TEX2: variants seen among roughly 807,000 people sequenced by gnomAD.
The protein encoded by TEX2 is testis expressed 2.
A neutral mutation model predicts 106.9 loss-of-function variants in TEX2; 53 were observed. The observed-to-expected ratio is 0.50, with a 90% CI of 0.40 to 0.62. The LOEUF is 0.62. TEX2 is among the 20% of genes least tolerant of loss of function. TEX2 has a pLI of 0.00. For synonymous variants in TEX2, 523 were observed against 534.8 expected, an observed-to-expected ratio of 0.98 and a Z score of 0.30; for missense variants, 1,207 against 1,379.0, an observed-to-expected ratio of 0.88 and a Z score of 1.98.
In TEX2 at chr17:64,239,875, C is replaced by CAAAAAAAAA. The variant is rs61705973; in HGVS notation, c.-26+23284_-26+23292dup. 9.1e-4 allele frequency among the ~76,000 whole-genome samples: 27 copies of CAAAAAAAAA among 29,650 alleles called. 1 individual carries two copies. The highest frequency in any genetic ancestry group is 3.4e-3 in the African/African-American group (24 of 7,090). 19.5% of individuals were successfully genotyped at this position (29,650 alleles called of 152,430 possible). ...TGGACAACAGAGTGAGACTCTGTCT[C>CAAAAAAAAA]AAAAAAAAAAAAAAAAAAAAAAAAA... On this transcript the variant is annotated intron_variant, in intron 1 of 11. Coordinates refer to ENST00000584379, the MANE Select transcript of TEX2 (RefSeq NM_001288732.2).
At chr17:64,250,410 C>A (rs2034067454) in intron 1 of TEX2, among the ~76,000 whole-genome samples, 1 of 152,192 alleles carries the variant, frequency 6.6e-6, no homozygotes, top group Admixed American at 6.5e-5. Context: ...TCACAAGCTC[C>A]CTTGCCCTCT....
At chr17:64,212,550 G>A in intron 2 of TEX2, 24 bp downstream of exon 2, 1 of 1,591,390 alleles carries the variant, frequency 6.3e-7, no homozygotes, top group Non-Finnish European at 8.6e-7. Context: ...GTGTGTACTA[G>A]CCAGCTCCCG....
At chr17:64,182,911 T>G (rs1184954092) in intron 5 of TEX2, among the ~76,000 whole-genome samples, 2 of 135,628 alleles carry the variant, frequency 1.5e-5, no homozygotes, top group Non-Finnish European at 3.1e-5. Flanking sequence ...TTTGTTGTGT[T>G]TTTTTTTTTT....
Position 64,210,634 on chromosome 17 carries a change from C to CTTTTTTTTTTTTTTTTTTT in TEX2, c.1644+1921_1644+1939dup, listed in dbSNP as rs58313195. On this transcript the variant is annotated intron_variant, in intron 2 of 11. Coordinates refer to ENST00000584379, the MANE Select transcript of TEX2 (RefSeq NM_001288732.2). ...TAAAAGAATTCTCCCCAACCCCCAGCTTTTTTTTTTTTTTTTTTTTTTTTT... is the reference window on the plus strand; with the variant it reads ...TAAAAGAATTCTCCCCAACCCCCAGCTTTTTTTTTTTTTTTTTTTTTTTTTTTTTTTTTTTTTTTTTTTT... Among the ~76,000 whole-genome samples the CTTTTTTTTTTTTTTTTTTT allele has an allele frequency of 2.3e-4, 17 of 74,756 alleles. 1 individual carries two copies. The highest frequency in any genetic ancestry group is 1.0e-3 in the South Asian group (2 of 1,910). The allele number at this position is 74,756 out of a possible 152,430, so 49.0% of individuals were successfully genotyped here. A position where few individuals can be genotyped will look rare whatever the true frequency, so the allele number is the denominator to read the frequency against.
In TEX2 at chr17:64,188,396, G is replaced by C; in HGVS notation, c.2196C>G (p.Ser732Arg). The change falls in exon 5 of 12, where the codon AGC (serine) becomes AGG (arginine). Residue 732 changes from serine (S) to arginine (R), a missense_variant. Ser to Arg is a moderately radical substitution (Grantham distance 110, BLOSUM62 -1). Transcript: ENST00000584379. ...GGKPGLLPAHSRHNSPSGHLT... is the reference protein window; with the variant it reads ...GGKPGLLPAHRRHNSPSGHLT... ...GGTGCCCGGACGGACTGTTGTGTCT[G>C]CTGTGTGCAGGCAAAAGCCCTGGAG... The C allele has an allele frequency of 3.1e-6, 5 of 1,614,190 alleles. 1 individual carries two copies. The Middle Eastern group carries it at 6.6e-4, about 213-fold the overall frequency.
intron 7 of TEX2, among the ~76,000 whole-genome samples, chr17:64,163,571 T>C (rs975671363): frequency 2.0e-5 from 3 of 152,192 alleles, no homozygotes; most frequent in African/African-American, 7.2e-5. Context: ...TAGGAGAAAT[T>C]TGCTTTTGTA....
chr17:64,216,565 T>A (rs1403782446), intron 1 of TEX2, among the ~76,000 whole-genome samples: 4 of 151,632 alleles, frequency 2.6e-5, no homozygotes, highest in African/African-American at 9.7e-5. Context: ...AAGGCAAGAG[T>A]GGAGAGGCCC....
At chr17:64,214,290 A>T in intron 1 of TEX2, 48 bp from the exon 2 acceptor site, 2 of 1,476,522 alleles carry the variant, frequency 1.4e-6, no homozygotes, top group Non-Finnish European at 1.8e-6. Context: ...GTTTCTCCAC[A>T]GGAGACGCTG....
chr17:64,191,033 A>T (rs900902243), intron 4 of TEX2, among the ~76,000 whole-genome samples: 3 of 152,232 alleles, frequency 2.0e-5, no homozygotes, highest in African/African-American at 7.2e-5. Flanking sequence ...GATGGTTTTG[A>T]AGAACAGCAC....
At chr17:64,183,098 G>A in intron 5 of TEX2, among the ~76,000 whole-genome samples, 1 of 151,984 alleles carries the variant, frequency 6.6e-6, no homozygotes, top group East Asian at 1.9e-4. Context: ...TAGAGATGGG[G>A]TTTCGCCATA....
chr17:64,242,864 T>C lies in TEX2; in HGVS notation c.-26+20304A>G, dbSNP rs2033913710. 2.0e-5 allele frequency among the ~76,000 whole-genome samples: 3 copies of C among 151,648 alleles called. No individual in the cohort carries two copies. The South Asian group carries it at 6.2e-4, about 32-fold the overall frequency. ...ACGTTTGGAAGCCAAGGTGGGAGGA[T>C]CACTTGCGGCCAGAGTTTGAGACTA... On this transcript the variant is annotated intron_variant, in intron 1 of 11. Coordinates refer to ENST00000584379, the MANE Select transcript of TEX2 (RefSeq NM_001288732.2).
In TEX2 at chr17:64,148,621, G is replaced by A. The variant is rs2030181808; in HGVS notation, c.*348C>T. 4.7e-6 allele frequency: 1 copy of A among 211,222 alleles called. No homozygotes were observed. The highest frequency in any genetic ancestry group is 1.3e-4 in the East Asian group (1 of 7,644). 13.1% of individuals were successfully genotyped at this position (211,222 alleles called of 1,614,324 possible). A position where few individuals can be genotyped will look rare whatever the true frequency, so the allele number is the denominator to read the frequency against. On this transcript the variant is annotated 3_prime_UTR_variant, in exon 12 of 12. Transcript: ENST00000584379. ...GAAGAAAAGCTTTGGAGGAGTAGAG[G>A]AGGCAAGTTGTTCAGCTTTGCTCTT... is the stretch of plus-strand genomic sequence containing the variant.
chr17:64,169,228 G>A (rs1379652423), intron 7 of TEX2, among the ~76,000 whole-genome samples: 4 of 152,004 alleles, frequency 2.6e-5, no homozygotes, highest in South Asian at 2.1e-4. Flanking sequence ...TAGTAGAGAC[G>A]GGGTTTCACC....
At position 64,153,238 on chromosome 17, in the gene TEX2, CT is replaced by C; in HGVS notation, c.2931-85del. The C allele has an allele frequency of 1.1e-6, 1 of 908,580 alleles. No individual in the cohort carries two copies. The highest frequency in any genetic ancestry group is 1.7e-6 in the Non-Finnish European group (1 of 578,102). The allele number at this position is 908,580 out of a possible 1,614,324, so 56.3% of individuals were successfully genotyped here. On this transcript the variant is annotated intron_variant, in intron 9 of 11. Coordinates refer to ENST00000584379, the MANE Select transcript of TEX2 (RefSeq NM_001288732.2). The surrounding 1 kb of genome is among the most constrained non-coding windows in gnomAD (Gnocchi z 4.1). ...AACCTGTGGCTCTTCGTTCCCCTTA[CT>C]TTAGAGCACCACTCGATGTTTTGGA...
At chr17:64,162,886 T>G (rs1340522413) in intron 7 of TEX2, among the ~76,000 whole-genome samples, 3 of 152,208 alleles carry the variant, frequency 2.0e-5, no homozygotes, top group Non-Finnish European at 4.4e-5. Context: ...TCCCTTTTTC[T>G]GCATTCACCA....
intron 4 of TEX2, among the ~76,000 whole-genome samples, chr17:64,190,968 G>C (rs1365341614): frequency 6.6e-6 from 1 of 152,192 alleles, no homozygotes; most frequent in African/African-American, 2.4e-5. Flanking sequence ...TGGCCTCAGA[G>C]AATCAGACCA....
At chr17:64,221,146 A>G (rs1451145746) in intron 1 of TEX2, among the ~76,000 whole-genome samples, 2 of 152,190 alleles carry the variant, frequency 1.3e-5, no homozygotes, top group East Asian at 3.8e-4. Flanking sequence ...GTGGGACCTG[A>G]ACAATGAGAA....
rs781818674 is a variant in TEX2 at position 64,213,514 on chromosome 17, T to TAGG, written c.701_703dup (p.Ser234dup). 50 of 1,614,038 alleles carry TAGG rather than the reference T, an allele frequency of 3.1e-5. No homozygotes were observed. Among genetic ancestry groups the TAGG allele is most frequent in the Non-Finnish European group, 4.0e-5 (47 of 1,180,002 alleles). On this transcript the variant is annotated inframe_insertion, in exon 2 of 12. Coordinates refer to ENST00000584379, the MANE Select transcript of TEX2 (RefSeq NM_001288732.2). The surrounding 1 kb of genome is among the most constrained non-coding windows in gnomAD (Gnocchi z 4.4). ...GTTCAGTTTGGAATCAGGTGGCTTA[T>TAGG]AGGACACTGTATCCGACTCCTGCCG...
chr17:64,173,232 C>T (rs2031487162), intron 6 of TEX2, among the ~76,000 whole-genome samples: 1 of 152,060 alleles, frequency 6.6e-6, no homozygotes, highest in African/African-American at 2.4e-5. Context: ...ACACTTTTAA[C>T]TTTATAATAT....
Sources: allele counts gnomAD v4.1 joint callset (sites outside exome capture counted in the v4.1 genomes callset), GRCh38; gene constraint gnomAD v4.1.1; non-coding constraint Gnocchi (gnomAD v3.1); transcripts MANE v1.5; gene names NCBI Gene and HGNC (gene_info 2026-07-23, HGNC 2026-07-21).